CNBD1: variants seen among roughly 807,000 people sequenced by gnomAD.
CNBD1 encodes cyclic nucleotide binding domain containing 1.
In CNBD1, 71 loss-of-function variants were observed where a neutral mutation model predicts 54.4. That is an observed-to-expected ratio of 1.30 (90% CI 1.08 to 1.59). CNBD1 has a LOEUF of 1.59. Among genes scored for constraint, CNBD1 ranks in the 40% most tolerant of loss-of-function variants. The probability of loss-of-function intolerance (pLI) is 0.00; values close to 1 mark genes in which losing one functional copy is unlikely to be tolerated. For synonymous variants in CNBD1, 182 were observed against 170.7 expected (o/e 1.07, Z -0.51); for missense variants, 659 against 518.0 (o/e 1.27, Z -2.64).
chr8:87,153,611 T>G (rs1812651817), intron 4 of CNBD1, among the ~76,000 whole-genome samples: 1 of 152,136 alleles, frequency 6.6e-6, no homozygotes, highest in African/African-American at 2.4e-5. Flanking sequence ...AAATTTCAAA[T>G]AGACCAATAC....
At position 87,398,603 on chromosome 8, in the gene CNBD1, C is replaced by T. The variant is rs1365999693; in HGVS notation, c.214-29943C>T. Among the ~76,000 whole-genome samples the T allele has an allele frequency of 4.6e-5, 7 of 151,986 alleles. No individual in the cohort carries two copies. In the East Asian group the frequency reaches 1.4e-3, roughly 29 times the overall value. On this transcript the variant is annotated intron_variant, in intron 2 of 7. Transcript: ENST00000521593. Reference sequence around the variant, plus strand: ...AAAACCGTGGATTGCTTTACATAATCCTTCTTTTTAAAAAACCTGATTCAT... The same window carrying T: ...AAAACCGTGGATTGCTTTACATAATTCTTCTTTTTAAAAAACCTGATTCAT...
At chr8:87,353,211 G>T (rs1187709328) in intron 9 of CNBD1, among the ~76,000 whole-genome samples, 4 of 152,078 alleles carry the variant, frequency 2.6e-5, no homozygotes, top group African/African-American at 9.7e-5. Context: ...CATCGGTTCT[G>T]GCCCTGGCAT....
intron 6 of CNBD1, among the ~76,000 whole-genome samples, chr8:87,254,208 G>A (rs889506481): frequency 6.6e-6 from 1 of 152,114 alleles, no homozygotes; most frequent in Non-Finnish European, 1.5e-5. Flanking sequence ...ACCTGAGGAC[G>A]AAATCCTTGG....
intron 2 of CNBD1, among the ~76,000 whole-genome samples, chr8:87,403,715 A>C (rs1373601373): frequency 6.6e-6 from 1 of 152,024 alleles, no homozygotes; most frequent in Admixed American, 6.6e-5. Context: ...TACTACTACT[A>C]CCGAGAACTA....
intron 8 of CNBD1, among the ~76,000 whole-genome samples, chr8:87,337,377 G>A (rs1809966794): frequency 1.3e-5 from 2 of 152,196 alleles, no homozygotes; most frequent in Non-Finnish European, 1.5e-5. Context: ...GGAGATCAGA[G>A]TTCTGTCCCT....
intron 2 of CNBD1, among the ~76,000 whole-genome samples, chr8:87,392,342 A>G (rs550450168): frequency 2.0e-5 from 3 of 152,110 alleles, no homozygotes; most frequent in Admixed American, 2.0e-4. Context: ...TACATGCAAA[A>G]TCTTGTACAT....
At chr8:86,874,986 TTATATATATATATATA>T (rs10584669) in intron 1 of CNBD1, among the ~76,000 whole-genome samples, 32 of 120,114 alleles carry the variant, frequency 2.7e-4, no homozygotes, top group African/African-American at 8.0e-4. Flanking sequence ...GTAAATCAAT[TTATATATATATATATA>T]TATATATATA....
chr8:87,019,328 C>T (rs1012705948), intron 4 of CNBD1, among the ~76,000 whole-genome samples: 4 of 152,164 alleles, frequency 2.6e-5, no homozygotes, highest in African/African-American at 9.7e-5. Flanking sequence ...AGTCTTTTAA[C>T]TCTTAAGGCC....
intron 4 of CNBD1, among the ~76,000 whole-genome samples, chr8:87,048,040 T>G (rs555687205): frequency 2.0e-5 from 3 of 152,306 alleles, no homozygotes; most frequent in African/African-American, 7.2e-5. Context: ...TTCCAGGCTT[T>G]GACTTGAGTG....
intron 4 of CNBD1, among the ~76,000 whole-genome samples, chr8:87,176,314 T>C (rs1371976929): frequency 2.0e-5 from 3 of 152,214 alleles, no homozygotes; most frequent in Non-Finnish European, 4.4e-5. Context: ...ATCTTTATTA[T>C]GTTCTTTAGT....
At chr8:86,878,374 G>T (rs1217951510) in intron 1 of CNBD1, among the ~76,000 whole-genome samples, 1 of 152,086 alleles carries the variant, frequency 6.6e-6, no homozygotes, top group African/African-American at 2.4e-5. Context: ...TTTCTTGTAT[G>T]TTAATGTTGA....
chr8:87,137,479 G>T (rs1812280124), intron 4 of CNBD1, among the ~76,000 whole-genome samples: 1 of 151,880 alleles, frequency 6.6e-6, no homozygotes, highest in South Asian at 2.1e-4. Context: ...TGGGATTACA[G>T]GCGTGAGCCA....
chr8:87,165,139 A>G (rs1157671432), intron 4 of CNBD1, among the ~76,000 whole-genome samples: 2 of 151,870 alleles, frequency 1.3e-5, no homozygotes, highest in African/African-American at 4.8e-5. Context: ...GATTAAATTC[A>G]GTCTCCTTAA....
intron 2 of CNBD1, among the ~76,000 whole-genome samples, chr8:87,426,757 A>G (rs953418288): frequency 1.3e-5 from 2 of 152,226 alleles, no homozygotes; most frequent in East Asian, 1.9e-4. Context: ...CTTAGTGTGC[A>G]TAATCAAATT....
At chr8:86,938,033 A>G (rs1311935898) in intron 3 of CNBD1, among the ~76,000 whole-genome samples, 3 of 152,186 alleles carry the variant, frequency 2.0e-5, no homozygotes, top group Non-Finnish European at 4.4e-5. Context: ...TAGCACCCAA[A>G]TCAGCTCTTG....
At chr8:87,287,810 C>T (rs2130872367) in intron 8 of CNBD1, among the ~76,000 whole-genome samples, 1 of 152,114 alleles carries the variant, frequency 6.6e-6, no homozygotes, top group Non-Finnish European at 1.5e-5. Flanking sequence ...TAAAACCTTT[C>T]TCGTATTTCT....
intron 8 of CNBD1, among the ~76,000 whole-genome samples, chr8:87,326,629 T>C (rs2130905341): frequency 8.7e-6 from 1 of 114,462 alleles, no homozygotes; most frequent in East Asian, 2.1e-4. Flanking sequence ...TTCCCGTAGT[T>C]CTCGAGCCTT....
intron 4 of CNBD1, among the ~76,000 whole-genome samples, chr8:87,116,826 A>G (rs1012946571): frequency 2.6e-5 from 4 of 152,286 alleles, no homozygotes; most frequent in African/African-American, 9.6e-5. Context: ...TACTCAAAAT[A>G]ACAACCTTTC....
intron 4 of CNBD1, among the ~76,000 whole-genome samples, chr8:87,153,173 C>A (rs1755308967): frequency 6.6e-6 from 1 of 152,062 alleles, no homozygotes; most frequent in African/African-American, 2.4e-5. Context: ...TAGTTACCCA[C>A]CACAATATAA....
Sources: allele counts gnomAD v4.1 joint callset (sites outside exome capture counted in the v4.1 genomes callset), GRCh38; gene constraint gnomAD v4.1.1; transcripts MANE v1.5; gene names NCBI Gene and HGNC (gene_info 2026-07-23, HGNC 2026-07-21).